GRM8: variants seen among roughly 807,000 people sequenced by gnomAD.
The protein encoded by GRM8 is glutamate metabotropic receptor 8, also known as metabotropic glutamate receptor 8.
GRM8 carries 47 observed loss-of-function variants against 87.2 expected under a neutral mutation model. The observed-to-expected ratio is 0.54, with a 90% confidence interval of 0.43 to 0.69. GRM8 has a LOEUF of 0.69. Among genes scored for constraint, GRM8 ranks in the 30% least tolerant of loss-of-function variants. The pLI, the probability that GRM8 is intolerant of heterozygous loss-of-function variation, is 0.00. For synonymous variants in GRM8, 396 were observed against 404.5 expected (o/e 0.98, Z 0.25); for missense variants, 1,019 against 1,139.2 (o/e 0.89, Z 1.52).
chr7:126,801,846 T>C (rs1431751108), intron 6 of GRM8, among the ~76,000 whole-genome samples: 2 of 152,076 alleles, frequency 1.3e-5, no homozygotes, highest in African/African-American at 4.8e-5. Flanking sequence ...GAGTCAGATT[T>C]TATTGCTTTG....
Position 127,118,930 on chromosome 7 carries a change from T to G in GRM8, c.511-12218A>C, listed in dbSNP as rs954707207. Among the ~76,000 whole-genome samples, 3 of 152,322 alleles carry G rather than the reference T, an allele frequency of 2.0e-5. No individual in the cohort carries two copies. The South Asian group carries it at 6.2e-4, about 32-fold the overall frequency. On this transcript the variant is annotated intron_variant, in intron 2 of 10. Transcript: ENST00000339582. ...TTGCCATATATGGTATCACAGTGAA[T>G]AGGAGATACTAGCATCTAAGATCAG...
At chr7:126,682,313 T>C (rs936393903) in intron 7 of GRM8, among the ~76,000 whole-genome samples, 2 of 152,360 alleles carry the variant, frequency 1.3e-5, no homozygotes, top group African/African-American at 4.8e-5. Flanking sequence ...CAACTAATAA[T>C]GACAGCTGTC....
intron 6 of GRM8, among the ~76,000 whole-genome samples, chr7:126,825,601 A>C (rs1794689533): frequency 6.6e-6 from 1 of 152,214 alleles, no homozygotes; most frequent in African/African-American, 2.4e-5. Context: ...AATGGTACTT[A>C]ATAGTGTTAA....
intron 9 of GRM8, among the ~76,000 whole-genome samples, chr7:126,465,661 T>C (rs534874769): frequency 2.0e-5 from 3 of 151,980 alleles, no homozygotes; most frequent in East Asian, 3.9e-4. Context: ...ATTGATCTTA[T>C]ATTCAGTGAA....
chr7:126,981,018 G>T (rs553602728), intron 3 of GRM8: 1 of 152,342 alleles, frequency 6.6e-6, no homozygotes, highest in South Asian at 2.1e-4. Flanking sequence ...GAGAGCACCT[G>T]TCAGGTGCTA....
chr7:126,643,231 C>T (rs1802602017), intron 7 of GRM8, among the ~76,000 whole-genome samples: 1 of 134,528 alleles, frequency 7.4e-6, no homozygotes, highest in Non-Finnish European at 1.5e-5. Flanking sequence ...GCAGAAGTTT[C>T]AGTGAGCTGA....
chr7:127,027,580 T>C (rs2132271649), intron 3 of GRM8, among the ~76,000 whole-genome samples: 1 of 152,306 alleles, frequency 6.6e-6, no homozygotes, highest in South Asian at 2.1e-4. Flanking sequence ...CCTAGGTATT[T>C]TATTCTCTTT....
intron 10 of GRM8, among the ~76,000 whole-genome samples, chr7:126,440,719 G>A (rs1801373635): frequency 6.6e-6 from 1 of 152,066 alleles, no homozygotes. Context: ...TATTGCCTGG[G>A]TGTGTCGTAG....
chr7:126,600,456 T>A (rs993597107), intron 8 of GRM8, among the ~76,000 whole-genome samples: 1 of 152,170 alleles, frequency 6.6e-6, no homozygotes, highest in Non-Finnish European at 1.5e-5. Context: ...TCCCCATATC[T>A]ACATAGGGAT....
intron 3 of GRM8, among the ~76,000 whole-genome samples, chr7:127,103,881 C>T (rs1825563937): frequency 6.6e-6 from 1 of 152,198 alleles, no homozygotes; most frequent in Non-Finnish European, 1.5e-5. Flanking sequence ...TCAGAAAGAT[C>T]TCAACTAGGG....
At position 127,025,761 on chromosome 7, in the gene GRM8, T is replaced by C. The variant is rs187029813; in HGVS notation, c.727+80735A>G. Reference sequence around the variant, plus strand: ...CTATTTTCTCTATTAGCTGTATCATTGTCATTCTGAAAAATAGAGGAGCTA... The same window carrying C: ...CTATTTTCTCTATTAGCTGTATCATCGTCATTCTGAAAAATAGAGGAGCTA... On this transcript the variant is annotated intron_variant, in intron 3 of 10. Coordinates refer to ENST00000339582, the MANE Select transcript of GRM8 (RefSeq NM_000845.3). Among the ~76,000 whole-genome samples, 14 of 152,208 alleles carry C rather than the reference T, an allele frequency of 9.2e-5. 1 individual carries two copies. The East Asian group carries it at 2.7e-3, about 29-fold the overall frequency.
At chr7:126,646,103 C>A (rs1343392868) in intron 7 of GRM8, among the ~76,000 whole-genome samples, 1 of 152,148 alleles carries the variant, frequency 6.6e-6, no homozygotes, top group African/African-American at 2.4e-5. Flanking sequence ...GGCCTCTATT[C>A]ACAAGTTATT....
intron 6 of GRM8, among the ~76,000 whole-genome samples, chr7:126,859,774 A>G (rs1048849436): frequency 3.9e-5 from 6 of 152,146 alleles, no homozygotes; most frequent in African/African-American, 1.2e-4. Flanking sequence ...CTATTTTACT[A>G]TGTGAACAAG....
At chr7:127,146,746 A>G (rs1010436332) in intron 2 of GRM8, among the ~76,000 whole-genome samples, 2 of 151,940 alleles carry the variant, frequency 1.3e-5, no homozygotes, top group African/African-American at 4.8e-5. Flanking sequence ...CTTCACAAAC[A>G]TCCCTCTGTT....
intron 3 of GRM8, chr7:127,095,585 G>T (rs938609401): frequency 6.6e-6 from 1 of 152,046 alleles, no homozygotes; most frequent in Admixed American, 6.6e-5. Context: ...TCAACTTTTT[G>T]CATTCTTTAT....
At chr7:126,756,401 G>A (rs867005859) in intron 7 of GRM8, among the ~76,000 whole-genome samples, 45 of 152,166 alleles carry the variant, frequency 3.0e-4, no homozygotes, top group Middle Eastern at 3.4e-3. Flanking sequence ...CTATTTATAA[G>A]AGAAAGAATT....
intron 7 of GRM8, among the ~76,000 whole-genome samples, chr7:126,699,600 C>A (rs1809717143): frequency 6.6e-6 from 1 of 152,076 alleles, no homozygotes. Context: ...TTTTCTATTA[C>A]ATTTTGATTT....
intron 8 of GRM8, among the ~76,000 whole-genome samples, chr7:126,564,602 A>G (rs1169635241): frequency 1.3e-5 from 2 of 152,170 alleles, no homozygotes. Flanking sequence ...AAATGTCCCT[A>G]CAAAGAAAAG....
chr7:126,669,669 G>A (rs762545693), intron 7 of GRM8, among the ~76,000 whole-genome samples: 1 of 152,218 alleles, frequency 6.6e-6, no homozygotes, highest in Non-Finnish European at 1.5e-5. Flanking sequence ...CTTGGTTGCA[G>A]TTAGCACACA....
Sources: allele counts gnomAD v4.1 joint callset (sites outside exome capture counted in the v4.1 genomes callset), GRCh38; gene constraint gnomAD v4.1.1; transcripts MANE v1.5; gene names NCBI Gene and HGNC (gene_info 2026-07-23, HGNC 2026-07-21).